GPC3: variants seen among roughly 807,000 people sequenced by gnomAD.
GPC3 encodes the protein glypican 3.
Under a neutral mutation model 34.4 loss-of-function variants are expected in GPC3, and 3 were observed. The ratio of observed to expected loss-of-function variants is 0.09; its 90% CI spans 0.04 to 0.23. The LOEUF is 0.23. GPC3 is among the 10% of genes least tolerant of loss of function. The pLI is 1.00. For missense variants in GPC3, 351 were observed against 445.6 expected (o/e 0.79, Z 1.91); for synonymous variants, 177 against 174.0 (o/e 1.02, Z -0.13).
intron 7 of GPC3, among the ~76,000 whole-genome samples, chrX:133,563,289 G>T (rs1465063393): frequency 9.0e-6 from 1 of 111,302 alleles, no homozygotes; most frequent in Non-Finnish European, 1.9e-5. Context: ...GAGTGTAGTG[G>T]CGTTGATCAT....
chrX:133,881,019 C>T (rs2076039346), intron 2 of GPC3, among the ~76,000 whole-genome samples: 1 of 112,192 alleles, frequency 8.9e-6, no homozygotes, highest in Non-Finnish European at 1.9e-5. Context: ...AACCAATTTG[C>T]AATCATTTGA....
intron 2 of GPC3, among the ~76,000 whole-genome samples, chrX:133,876,272 AC>A (rs1329142482): frequency 8.9e-6 from 1 of 112,113 alleles, no homozygotes; most frequent in Non-Finnish European, 1.9e-5. Context: ...AAAACAGAAT[AC>A]GGACGCTGTT....
At chrX:133,766,396 GATAA>G (rs1227666664) in intron 2 of GPC3, among the ~76,000 whole-genome samples, 2 of 111,783 alleles carry the variant, frequency 1.8e-5, no homozygotes, top group African/African-American at 6.5e-5. Context: ...AGCCAGCTGT[GATAA>G]ATACAAGATG....
intron 2 of GPC3, among the ~76,000 whole-genome samples, chrX:133,932,721 C>A (rs1334117874): frequency 9.0e-6 from 1 of 111,231 alleles, no homozygotes; most frequent in Non-Finnish European, 1.9e-5. Context: ...CTTTACGTAT[C>A]TGACTTAAAC....
At chrX:133,924,905 G>C (rs888195139) in intron 2 of GPC3, among the ~76,000 whole-genome samples, 1 of 103,044 alleles carries the variant, frequency 9.7e-6, no homozygotes. Context: ...TAGAAGAGGT[G>C]GGTAAGGTGA....
At chrX:133,649,824 T>C (rs1375621587) in intron 6 of GPC3, among the ~76,000 whole-genome samples, 1 of 111,945 alleles carries the variant, frequency 8.9e-6, no homozygotes, top group Non-Finnish European at 1.9e-5. Context: ...CAGCTTTCCT[T>C]TTGCCTGACA....
chrX:133,633,648 T>A (rs151294186), intron 6 of GPC3, among the ~76,000 whole-genome samples: 2 of 111,942 alleles, frequency 1.8e-5, no homozygotes, highest in African/African-American at 6.5e-5. Flanking sequence ...ATCAGTCTCA[T>A]CTGTAAAGAG....
intron 6 of GPC3, among the ~76,000 whole-genome samples, chrX:133,656,492 G>A (rs1490064848): frequency 8.9e-6 from 1 of 111,760 alleles, no homozygotes; most frequent in Non-Finnish European, 1.9e-5. Flanking sequence ...AATAATGCCT[G>A]CCTTGCTTTC....
intron 2 of GPC3, among the ~76,000 whole-genome samples, chrX:133,868,193 G>A (rs7887363): frequency 0.044 from 4,930 of 111,336 alleles, 259 homozygotes; most frequent in African/African-American, 0.15. Context: ...GTAACACTGA[G>A]GCTGCAGGCA....
At chrX:133,948,535 T>A (rs1346838360) in intron 2 of GPC3, among the ~76,000 whole-genome samples, 1 of 111,532 alleles carries the variant, frequency 9.0e-6, no homozygotes, top group African/African-American at 3.3e-5. Context: ...TCTCTAGACT[T>A]ATACCAACCT....
At chrX:133,752,257 G>T (rs1211138076) in intron 3 of GPC3, among the ~76,000 whole-genome samples, 3 of 111,634 alleles carry the variant, frequency 2.7e-5, no homozygotes, top group African/African-American at 6.5e-5. Context: ...CAATTATATT[G>T]ATTTGACCTT....
At chrX:133,864,985 T>C (rs1342934649) in intron 2 of GPC3, among the ~76,000 whole-genome samples, 1 of 112,513 alleles carries the variant, frequency 8.9e-6, no homozygotes, top group Non-Finnish European at 1.9e-5. Flanking sequence ...ATGTGAGGCA[T>C]GCACTATAAA....
At chrX:133,951,332 C>T (rs937125465) in intron 2 of GPC3, among the ~76,000 whole-genome samples, 2 of 110,096 alleles carry the variant, frequency 1.8e-5, no homozygotes, top group South Asian at 4.0e-4. Flanking sequence ...TAAATGCTGA[C>T]GACCCGGGCC....
chrX:133,790,264 T>G (rs1279668338), intron 2 of GPC3, among the ~76,000 whole-genome samples: 6 of 111,240 alleles, frequency 5.4e-5, no homozygotes, highest in African/African-American at 2.0e-4. Context: ...ATTCTGGCAA[T>G]TGGCAAGGAC....
intron 7 of GPC3, among the ~76,000 whole-genome samples, chrX:133,549,952 C>A (rs914935657): frequency 9.4e-6 from 1 of 106,669 alleles, no homozygotes; most frequent in African/African-American, 3.4e-5. Flanking sequence ...CCTTCCTCCC[C>A]CCTCTGTCTT....
intron 1 of GPC3, among the ~76,000 whole-genome samples, chrX:133,982,427 T>C (rs969852449): frequency 2.7e-5 from 3 of 111,892 alleles, no homozygotes; most frequent in Non-Finnish European, 5.6e-5. Context: ...TTAGAACTGC[T>C]ATCCTGTGAC....
At chrX:133,914,036 G>A (rs371024589) in intron 2 of GPC3, among the ~76,000 whole-genome samples, 3 of 110,591 alleles carry the variant, frequency 2.7e-5, no homozygotes, top group East Asian at 5.7e-4. Flanking sequence ...CACCCCAAAA[G>A]CAGAGAGGTT....
At chrX:133,889,617 CATT>C (rs1031523673) in intron 2 of GPC3, among the ~76,000 whole-genome samples, 24 of 110,298 alleles carry the variant, frequency 2.2e-4, no homozygotes, top group African/African-American at 6.6e-4. Context: ...TTAACAATAA[CATT>C]ATTTTTTCTA....
At chrX:133,770,094 T>C (rs2071898917) in intron 2 of GPC3, among the ~76,000 whole-genome samples, 1 of 111,936 alleles carries the variant, frequency 8.9e-6, no homozygotes, top group African/African-American at 3.2e-5. Context: ...CTGGACAACA[T>C]AGTGAGACTC....
Sources: allele counts gnomAD v4.1 joint callset (sites outside exome capture counted in the v4.1 genomes callset), GRCh38; gene constraint gnomAD v4.1.1; transcripts MANE v1.5; gene names NCBI Gene and HGNC (gene_info 2026-07-23, HGNC 2026-07-21).